JMJD1C: variants seen among roughly 807,000 people sequenced by gnomAD.
JMJD1C encodes the protein jumonji domain-containing protein 1C.
In JMJD1C, 31 loss-of-function variants were observed where a neutral mutation model predicts 245.3. The ratio of observed to expected loss-of-function variants is 0.13; its 90% CI spans 0.09 to 0.17. The LOEUF is 0.17. Ranked by LOEUF, JMJD1C falls within the 10% of genes least tolerant of loss-of-function variation. The pLI is 1.00. For synonymous variants in JMJD1C, 1,057 were observed against 1,017.4 expected (o/e 1.04, Z -0.74); for missense variants, 2,691 against 3,000.2 (o/e 0.90, Z 2.41).
Position 63,391,496 on chromosome 10 carries a change from T to G in JMJD1C, c.169-11014A>C, listed in dbSNP as rs549366724. Reference sequence around the variant, plus strand: ...CTGCACTCCAGTCTGGGCGACAGAGTGAGACTCCGTCTCAACAACAACAAC... The same window carrying G: ...CTGCACTCCAGTCTGGGCGACAGAGGGAGACTCCGTCTCAACAACAACAAC... On this transcript the variant is annotated intron_variant, in intron 1 of 25. Transcript: ENST00000399262. Among the ~76,000 whole-genome samples the G allele has an allele frequency of 1.2e-4, 17 of 141,678 alleles. No individual in the cohort carries two copies. The East Asian group carries it at 3.8e-3, about 31-fold the overall frequency. 92.9% of individuals were successfully genotyped at this position (141,678 alleles called of 152,430 possible). A position where few individuals can be genotyped will look rare whatever the true frequency, so the allele number is the denominator to read the frequency against.
chr10:63,454,408 C>A (rs1001189951), intron 1 of JMJD1C, among the ~76,000 whole-genome samples: 5 of 152,014 alleles, frequency 3.3e-5, no homozygotes, highest in Non-Finnish European at 7.4e-5. Flanking sequence ...CAGGCTTGCA[C>A]CACCACACCC....
At chr10:63,352,097 A>C (rs1339703049) in intron 2 of JMJD1C, among the ~76,000 whole-genome samples, 1 of 152,232 alleles carries the variant, frequency 6.6e-6, no homozygotes, top group African/African-American at 2.4e-5. Flanking sequence ...GAACCAATGA[A>C]GACAGAAAAC....
chr10:63,190,718 A>G (rs1362925636), intron 17 of JMJD1C, among the ~76,000 whole-genome samples, 176 bp downstream of exon 17: 2 of 152,202 alleles, frequency 1.3e-5, no homozygotes, highest in Non-Finnish European at 2.9e-5. Context: ...TTGGAAAAAA[A>G]GACAGAAAAT....
chr10:63,242,939 T>C (rs1851672659), intron 3 of JMJD1C, among the ~76,000 whole-genome samples: 1 of 151,426 alleles, frequency 6.6e-6, no homozygotes, highest in African/African-American at 2.4e-5. Flanking sequence ...AAATAAAAAT[T>C]TAAGTGGTTA....
At chr10:63,218,203 G>A (rs760723498) in intron 4 of JMJD1C, among the ~76,000 whole-genome samples, 12 of 152,060 alleles carry the variant, frequency 7.9e-5, no homozygotes, top group Non-Finnish European at 1.5e-4. Flanking sequence ...GTGAGAGGTT[G>A]ACAGATTAGG....
intron 2 of JMJD1C, among the ~76,000 whole-genome samples, chr10:63,364,988 C>A (rs545525858): frequency 5.9e-5 from 9 of 152,290 alleles, no homozygotes; most frequent in African/African-American, 1.9e-4. Context: ...TTCCAAAATT[C>A]TATTGTAACA....
At chr10:63,445,731 T>A (rs1442305311) in intron 1 of JMJD1C, among the ~76,000 whole-genome samples, 2 of 152,130 alleles carry the variant, frequency 1.3e-5, no homozygotes, top group Non-Finnish European at 2.9e-5. Context: ...GATATCTAGT[T>A]ACAAGTAACT....
chr10:63,372,094 A>C (rs1946363646), intron 2 of JMJD1C, among the ~76,000 whole-genome samples: 1 of 152,224 alleles, frequency 6.6e-6, no homozygotes, highest in Non-Finnish European at 1.5e-5. Context: ...CTTGTCCCAA[A>C]GAGCAGTGAA....
chr10:63,258,906 T>C (rs1050194510), intron 3 of JMJD1C, among the ~76,000 whole-genome samples: 1 of 152,170 alleles, frequency 6.6e-6, no homozygotes, highest in African/African-American at 2.4e-5. Context: ...AGCAGTGACA[T>C]GATACCACGA....
At chr10:63,231,719 A>AGAAG (rs2133394036) in intron 3 of JMJD1C, among the ~76,000 whole-genome samples, 1 of 152,318 alleles carries the variant, frequency 6.6e-6, no homozygotes, top group Admixed American at 6.5e-5. Context: ...GCTTGAATCC[A>AGAAG]GAAGGCGGAG....
chr10:63,473,919 T>C (rs1953573075), intron 1 of JMJD1C, among the ~76,000 whole-genome samples: 1 of 151,834 alleles, frequency 6.6e-6, no homozygotes. Context: ...GATGGGCACC[T>C]GTAATCCCAG....
At position 63,303,424 on chromosome 10, in the gene JMJD1C, GC is replaced by G. The variant is rs1445665054; in HGVS notation, c.334-38661del. Among the ~76,000 whole-genome samples, 3 of 152,088 alleles carry G rather than the reference GC, an allele frequency of 2.0e-5. No individual in the cohort carries two copies. In the East Asian group the frequency reaches 5.8e-4, roughly 29 times the overall value. ...AGGTTCCAGCGATTCCCCTGCTTCA[GC>G]CTCACAAGTAGCTGGGATTACAGGC... On this transcript the variant is annotated intron_variant, in intron 2 of 25. Transcript: ENST00000399262.
chr10:63,212,089 C>T (rs1003476228), intron 8 of JMJD1C, among the ~76,000 whole-genome samples: 7 of 152,128 alleles, frequency 4.6e-5, no homozygotes, highest in African/African-American at 1.7e-4. Flanking sequence ...GATAAATATT[C>T]TATCATTCTA....
chr10:63,344,797 A>G (rs906782731), intron 2 of JMJD1C, among the ~76,000 whole-genome samples: 1 of 152,082 alleles, frequency 6.6e-6, no homozygotes, highest in African/African-American at 2.4e-5. Flanking sequence ...CCACAAGGGG[A>G]AAAAAAATTA....
chr10:63,203,875 A>G, intron 10 of JMJD1C: 1 of 982,408 alleles, frequency 1.0e-6, no homozygotes, highest in Non-Finnish European at 1.2e-6. Context: ...TTGATTGACC[A>G]TGACTGATGA....
chr10:63,294,378 G>T (rs1022288839), intron 2 of JMJD1C, among the ~76,000 whole-genome samples: 1 of 151,770 alleles, frequency 6.6e-6, no homozygotes, highest in African/African-American at 2.4e-5. Context: ...TCCGCCTCCA[G>T]GGTTCAAGCA....
chr10:63,513,469 TTAAAC>T (rs1954930051), intron 1 of JMJD1C, among the ~76,000 whole-genome samples: 2 of 152,174 alleles, frequency 1.3e-5, no homozygotes, highest in Non-Finnish European at 2.9e-5. Context: ...TGAGATCTAA[TTAAAC>T]TAAAGAGCTT....
At chr10:63,462,611 G>T (rs1216793873) in intron 1 of JMJD1C, among the ~76,000 whole-genome samples, 2 of 152,164 alleles carry the variant, frequency 1.3e-5, no homozygotes, top group East Asian at 3.9e-4. Flanking sequence ...AGTGTAATGG[G>T]GAAGCAGGAG....
At chr10:63,515,108 T>C (rs1217358933) in intron 1 of JMJD1C, among the ~76,000 whole-genome samples, 2 of 152,174 alleles carry the variant, frequency 1.3e-5, no homozygotes, top group Non-Finnish European at 2.9e-5. Context: ...TCAGGTTTTT[T>C]CCTCCCTTCA....
Sources: gnomAD v4.1 joint callset for allele counts (sites outside exome capture counted in the v4.1 genomes callset) on GRCh38, gnomAD v4.1.1 for gene constraint, MANE v1.5 for transcripts, NCBI Gene and HGNC (gene_info 2026-07-23, HGNC 2026-07-21) for gene names.